Variants in MAPK10 observed in about 807,000 individuals in gnomAD.
MAPK10 encodes the protein mitogen-activated protein kinase 10, also known as JNK3 alpha protein kinase.
A neutral mutation model predicts 59.3 loss-of-function variants in MAPK10; 25 were observed. The ratio of observed to expected loss-of-function variants is 0.42; its 90% confidence interval spans 0.31 to 0.59. The LOEUF (loss-of-function observed/expected upper bound fraction) is 0.59, where lower values mean the gene tolerates loss of function less well. Ranked by LOEUF, MAPK10 falls within the 20% of genes least tolerant of loss-of-function variation. MAPK10 has a pLI of 0.15. For missense variants in MAPK10, 351 were observed against 568.9 expected, an observed-to-expected ratio of 0.62 and a Z score of 3.90; for synonymous variants, 190 against 200.5, an observed-to-expected ratio of 0.95 and a Z score of 0.44.
chr4:86,455,890 T>C (rs1017336148), upstream of MAPK10, among the ~76,000 whole-genome samples: 3 of 152,164 alleles, frequency 2.0e-5, no homozygotes, highest in African/African-American at 7.2e-5. Context: ...TTCTCCAAGA[T>C]AGACTGTATG....
chr4:86,107,773 A>C (rs1157918797), intron 4 of MAPK10: 1 of 400,118 alleles, frequency 2.5e-6, no homozygotes, highest in South Asian at 1.0e-4. Flanking sequence ...TTAATATATG[A>C]TATTTAATTT....
chr4:86,510,406 C>T (rs1756132497), intron 1 of MAPK10, among the ~76,000 whole-genome samples: 1 of 151,974 alleles, frequency 6.6e-6, no homozygotes, highest in Non-Finnish European at 1.5e-5. Flanking sequence ...AGCCACCACC[C>T]CTGGCCCAAT....
In MAPK10 at chr4:86,496,324, A is replaced by G. The variant is rs143835284; in HGVS notation, c.-263+97586T>C. Among the ~76,000 whole-genome samples the G allele has an allele frequency of 3.4e-3, 512 of 152,328 alleles. 1 individual carries two copies. Among genetic ancestry groups the G allele is most frequent in the African/African-American group, 0.012 (495 of 41,566 alleles). On this transcript the variant is annotated intron_variant, in intron 1 of 4. Coordinates refer to the MAPK10 transcript ENST00000502302. ...GGCCAATATGCATTTGAAAAACCCA[A>G]ACATAAAAAATTGGCCTGAACCTGG...
intron 3 of MAPK10, chr4:86,176,156 TA>T (rs1239669218): frequency 1.3e-5 from 2 of 152,240 alleles, no homozygotes; most frequent in Non-Finnish European, 2.9e-5. Context: ...CATTATCACT[TA>T]AAATATATTT....
At chr4:86,113,114 C>T (rs1255831675) in intron 4 of MAPK10, among the ~76,000 whole-genome samples, 1 of 152,068 alleles carries the variant, frequency 6.6e-6, no homozygotes, top group African/African-American at 2.4e-5. Flanking sequence ...TGTGTCTGTG[C>T]ACAGAGATTG....
chr4:86,393,993 G>A (rs1742579432), intron 1 of MAPK10, among the ~76,000 whole-genome samples: 2 of 152,182 alleles, frequency 1.3e-5, no homozygotes, highest in African/African-American at 4.8e-5. Context: ...AATAGGGGCT[G>A]GGCGTGGTGG....
chr4:86,144,911 C>G (rs111376361), intron 4 of MAPK10, among the ~76,000 whole-genome samples: 1 of 152,104 alleles, frequency 6.6e-6, no homozygotes, highest in South Asian at 2.1e-4. Flanking sequence ...ACTCTATGAA[C>G]ACAATTGGAT....
At chr4:86,126,062 C>G (rs1408240420) in intron 4 of MAPK10, 1 of 152,110 alleles carries the variant, frequency 6.6e-6, no homozygotes, top group Non-Finnish European at 1.5e-5. Context: ...GCCTACTTTT[C>G]CTTCCTTAAA....
At chr4:86,571,921 T>C (rs1397922916) in intron 1 of MAPK10, among the ~76,000 whole-genome samples, 2 of 152,010 alleles carry the variant, frequency 1.3e-5, no homozygotes, top group Non-Finnish European at 2.9e-5. Context: ...TTTCAGTTTG[T>C]CATGGTTTTT....
rs140750151 is a variant in MAPK10, at chr4:86,393,183, C to T, written c.-121-38539G>A. ...TCCTCAAGAGAAAAAATAAAAGGAACGGTTTTTACCCCCAAGCATAACTTC... is the reference window on the plus strand; with the variant it reads ...TCCTCAAGAGAAAAAATAAAAGGAATGGTTTTTACCCCCAAGCATAACTTC... On this transcript the variant is annotated intron_variant, in intron 1 of 13. Transcript: ENST00000361569. Among the ~76,000 whole-genome samples, 10 of 152,202 alleles carry T rather than the reference C, an allele frequency of 6.6e-5. No homozygotes were observed. The East Asian group carries it at 9.7e-4, about 15-fold the overall frequency.
intron 1 of MAPK10, among the ~76,000 whole-genome samples, chr4:86,504,687 T>C (rs1392585001): frequency 3.3e-5 from 5 of 152,118 alleles, no homozygotes; most frequent in Non-Finnish European, 7.4e-5. Flanking sequence ...CTAGCAAAAC[T>C]TTTTCCTGCC....
chr4:86,075,896 C>T (rs552579947), intron 9 of MAPK10, among the ~76,000 whole-genome samples: 1 of 152,134 alleles, frequency 6.6e-6, no homozygotes, highest in African/African-American at 2.4e-5. Context: ...GGCAGGCAGG[C>T]CTCCTTGAGC....
chr4:86,256,903 C>T (rs1299265923), intron 2 of MAPK10, among the ~76,000 whole-genome samples: 2 of 108,996 alleles, frequency 1.8e-5, no homozygotes, highest in Admixed American at 1.7e-4. Context: ...ATTGCGCCCG[C>T]CATTGCGCCC....
chr4:86,112,573 G>A (rs1386435070), intron 4 of MAPK10, among the ~76,000 whole-genome samples: 3 of 152,174 alleles, frequency 2.0e-5, no homozygotes, highest in Non-Finnish European at 4.4e-5. Flanking sequence ...ACTGTAGTCT[G>A]AAAGACTGTT....
chr4:86,127,141 A>G (rs559639953), intron 4 of MAPK10, among the ~76,000 whole-genome samples: 14 of 152,014 alleles, frequency 9.2e-5, no homozygotes, highest in Non-Finnish European at 1.5e-4. Context: ...GTAACACAAC[A>G]TGAATAAAAT....
In MAPK10 at chr4:86,167,518, A is replaced by G. The variant is rs149665946; in HGVS notation, c.67-8051T>C. 2.6e-5 allele frequency among the ~76,000 whole-genome samples: 4 copies of G among 152,302 alleles called. No homozygotes were observed. In the East Asian group the frequency reaches 7.7e-4, roughly 29 times the overall value. On this transcript the variant is annotated intron_variant, in intron 3 of 13. Coordinates refer to ENST00000641462, the MANE Select transcript of MAPK10 (RefSeq NM_138982.4). ...AGCAACATATCAAAAAGCTTATCCT[A>G]CACAATCGAGTCGGCTTCATCCCTG...
At chr4:86,343,492 T>C (rs1264878689) in intron 2 of MAPK10, among the ~76,000 whole-genome samples, 1 of 152,180 alleles carries the variant, frequency 6.6e-6, no homozygotes, top group Non-Finnish European at 1.5e-5. Flanking sequence ...TCTCGATTTT[T>C]TCAAGGGTGT....
intron 2 of MAPK10, among the ~76,000 whole-genome samples, chr4:86,274,518 C>G (rs1297442389): frequency 2.0e-5 from 3 of 151,848 alleles, no homozygotes; most frequent in Admixed American, 6.6e-5. Flanking sequence ...CACTTTCACC[C>G]CTCTCCCCTA....
intron 3 of MAPK10, among the ~76,000 whole-genome samples, chr4:86,174,561 T>G (rs760521227): frequency 1.1e-4 from 16 of 152,186 alleles, no homozygotes; most frequent in Non-Finnish European, 2.2e-4. Flanking sequence ...TATTTACCTA[T>G]GTAACAAAGC....
Sources: allele counts gnomAD v4.1 joint callset (sites outside exome capture counted in the v4.1 genomes callset), GRCh38; gene constraint gnomAD v4.1.1; transcripts MANE v1.5; gene names NCBI Gene and HGNC (gene_info 2026-07-23, HGNC 2026-07-21).